PTCSC3: variants seen among roughly 807,000 people sequenced by gnomAD.
PTCSC3 encodes papillary thyroid carcinoma susceptibility candidate 3 (non-protein coding).
chr14:36,149,210 T>A (rs1881667366), intron 3 of PTCSC3, among the ~76,000 whole-genome samples: 1 of 152,166 alleles, frequency 6.6e-6, no homozygotes, highest in Admixed American at 6.6e-5. Context: ...TTTTCATTTA[T>A]TTTTTAATTT....
chr14:36,144,205 G>A (rs2139090924), intron 3 of PTCSC3, among the ~76,000 whole-genome samples: 1 of 150,782 alleles, frequency 6.6e-6, no homozygotes, highest in Non-Finnish European at 1.5e-5. Flanking sequence ...GAAAGGCATT[G>A]GTAGCTTGAT....
intron 2 of PTCSC3, among the ~76,000 whole-genome samples, chr14:36,161,866 G>T (rs78443954): frequency 6.6e-6 from 1 of 152,220 alleles, no homozygotes; most frequent in East Asian, 1.9e-4. Context: ...GTTATGAGCC[G>T]CTGATTTGGG....
intron 3 of PTCSC3, among the ~76,000 whole-genome samples, chr14:36,141,151 G>T (rs1349774489): frequency 5.9e-5 from 9 of 152,074 alleles, no homozygotes; most frequent in South Asian, 2.1e-4. Context: ...TTTAAAATAA[G>T]TCTGAAATAA....
At chr14:36,135,862 G>GAT (rs35356826), downstream of PTCSC3, among the ~76,000 whole-genome samples, 49 of 150,480 alleles carry the variant, frequency 3.3e-4, no homozygotes, top group African/African-American at 9.5e-4. Context: ...TAGAGGGACA[G>GAT]ATATATATAT....
At position 36,142,181 on chromosome 14, in the gene PTCSC3, G is replaced by C. The variant is rs138183077; in HGVS notation, n.323-5825C>G. Among the ~76,000 whole-genome samples, 292 of 152,252 alleles carry C rather than the reference G, an allele frequency of 1.9e-3. 1 individual carries two copies. The highest frequency in any genetic ancestry group is 6.7e-3 in the African/African-American group (278 of 41,558). ...GTTTTTGGTAGATATTCCTTATCAA[G>C]CTGAAAAAGTTTTCTTAAATTTTTA... On this transcript the variant is annotated intron_variant and non_coding_transcript_variant, in intron 3 of 3. Transcript: ENST00000556013.
At chr14:36,164,863 G>GT (rs1882053743) in intron 1 of PTCSC3, among the ~76,000 whole-genome samples, 1 of 152,128 alleles carries the variant, frequency 6.6e-6, no homozygotes, top group Non-Finnish European at 1.5e-5. Flanking sequence ...ATGTATCTTT[G>GT]TAACAATGTA....
intron 3 of PTCSC3, among the ~76,000 whole-genome samples, chr14:36,138,697 T>C (rs1355863971): frequency 6.6e-6 from 1 of 152,226 alleles, no homozygotes; most frequent in African/African-American, 2.4e-5. Flanking sequence ...GAATATGGAA[T>C]TCTTATACAT....
intron 3 of PTCSC3, among the ~76,000 whole-genome samples, chr14:36,146,215 C>T (rs1309266930): frequency 2.1e-5 from 3 of 143,672 alleles, no homozygotes; most frequent in Non-Finnish European, 4.6e-5. Context: ...CCTGGGTATC[C>T]TTGTTAACTT....
At chr14:36,145,582 T>C (rs1881543842) in intron 3 of PTCSC3, among the ~76,000 whole-genome samples, 1 of 127,790 alleles carries the variant, frequency 7.8e-6, no homozygotes, top group East Asian at 2.1e-4. Flanking sequence ...TAGCGGTCTA[T>C]CAATTTTGTT....
At chr14:36,138,910 C>T (rs998217700) in intron 3 of PTCSC3, among the ~76,000 whole-genome samples, 3 of 151,992 alleles carry the variant, frequency 2.0e-5, no homozygotes, top group African/African-American at 7.2e-5. Flanking sequence ...ACGAGGAGTT[C>T]AAAACCATCC....
At chr14:36,138,165 G>A (rs2054881505) in intron 3 of PTCSC3, among the ~76,000 whole-genome samples, 1 of 104,212 alleles carries the variant, frequency 9.6e-6, no homozygotes, top group African/African-American at 3.3e-5. Flanking sequence ...TAGACAAACT[G>A]AATATCCATG....
At chr14:36,148,286 C>A (rs1400888777) in intron 3 of PTCSC3, among the ~76,000 whole-genome samples, 3 of 152,170 alleles carry the variant, frequency 2.0e-5, no homozygotes, top group Non-Finnish European at 4.4e-5. Context: ...GCAGTTTGAT[C>A]TCAGACTGCT....
chr14:36,145,981 A>T (rs1247490007), intron 3 of PTCSC3, among the ~76,000 whole-genome samples: 1 of 152,082 alleles, frequency 6.6e-6, no homozygotes, highest in African/African-American at 2.4e-5. Context: ...TTTGAGTAAG[A>T]TTCTTAATCC....
intron 1 of PTCSC3, among the ~76,000 whole-genome samples, chr14:36,166,237 G>T (rs76699456): frequency 6.6e-6 from 1 of 152,106 alleles, no homozygotes; most frequent in East Asian, 1.9e-4. Context: ...TTGCTCACAC[G>T]CTTCCTCTGT....
At chr14:36,163,563 G>A (rs1169146) in intron 1 of PTCSC3, among the ~76,000 whole-genome samples, 73,135 of 152,066 alleles carry the variant, frequency 0.48, 18,946 homozygotes, top group Non-Finnish European at 0.59. Context: ...ACTTCCAGAG[G>A]TCAGGACCAC....
chr14:36,168,919 C>T (rs892341352), intron 1 of PTCSC3, among the ~76,000 whole-genome samples: 1 of 152,098 alleles, frequency 6.6e-6, no homozygotes, highest in Non-Finnish European at 1.5e-5. Context: ...CTGTGCCTGG[C>T]TAGAAAGATT....
intron 3 of PTCSC3, among the ~76,000 whole-genome samples, chr14:36,151,877 T>A (rs1293904685): frequency 6.6e-6 from 1 of 152,256 alleles, no homozygotes; most frequent in African/African-American, 2.4e-5. Flanking sequence ...TACCTGTCTT[T>A]GCTGGAAGCA....
chr14:36,157,448 G>A (rs1315125762), intron 2 of PTCSC3, among the ~76,000 whole-genome samples: 2 of 152,018 alleles, frequency 1.3e-5, no homozygotes, highest in Non-Finnish European at 2.9e-5. Flanking sequence ...CATTGCTTTT[G>A]GTGTTTTATT....
chr14:36,173,115 T>G (rs1882218750), intron 1 of PTCSC3, among the ~76,000 whole-genome samples: 1 of 152,188 alleles, frequency 6.6e-6, no homozygotes, highest in Non-Finnish European at 1.5e-5. Flanking sequence ...ATTAGTCTTG[T>G]GCTATCTATT....
Sources: allele counts gnomAD v4.1 joint callset (sites outside exome capture counted in the v4.1 genomes callset), GRCh38; gene constraint gnomAD v4.1.1; transcripts MANE v1.5; gene names NCBI Gene and HGNC (gene_info 2026-07-23, HGNC 2026-07-21).